The following GRK3 variants were observed in gnomAD, a reference collection of about 807,000 sequenced individuals.
The protein encoded by GRK3 is G protein-coupled receptor kinase 3, also known as adrenergic, beta, receptor kinase 2.
A neutral mutation model predicts 95.7 loss-of-function variants in GRK3; 54 were observed. That is an observed-to-expected ratio of 0.56 (90% CI 0.45 to 0.71). The LOEUF (loss-of-function observed/expected upper bound fraction) is 0.71, where lower values mean the gene tolerates loss of function less well. Ranked by LOEUF, GRK3 falls within the 30% of genes least tolerant of loss-of-function variation. The probability of loss-of-function intolerance (pLI) is 0.00; values close to 1 mark genes in which losing one functional copy is unlikely to be tolerated. For synonymous variants in GRK3, 281 were observed against 290.8 expected, an observed-to-expected ratio of 0.97 and a Z score of 0.34; for missense variants, 649 against 851.2, an observed-to-expected ratio of 0.76 and a Z score of 2.96.
At chr22:25,668,047 T>C (rs2146408476) in intron 6 of GRK3, among the ~76,000 whole-genome samples, 1 of 152,352 alleles carries the variant, frequency 6.6e-6, no homozygotes, top group East Asian at 1.9e-4. Flanking sequence ...AAATATACAC[T>C]GAGGAACCTC....
At chr22:25,609,673 C>T (rs1230978178) in intron 2 of GRK3, among the ~76,000 whole-genome samples, 1 of 151,966 alleles carries the variant, frequency 6.6e-6, no homozygotes, top group East Asian at 1.9e-4. Context: ...ATGTCATTCT[C>T]ATGTATAAAG....
intron 19 of GRK3, 123 bp downstream of exon 19, chr22:25,718,504 C>A (rs937954193): frequency 8.9e-7 from 1 of 1,125,510 alleles, no homozygotes; most frequent in Non-Finnish European, 1.3e-6. Flanking sequence ...TTTTACTGCT[C>A]TACATGAGAT....
Position 25,633,539 on chromosome 22 carries a change from C to T in GRK3, c.191-11053C>T, listed in dbSNP as rs111365896. On this transcript the variant is annotated intron_variant, in intron 2 of 20. Coordinates refer to ENST00000324198, the MANE Select transcript of GRK3 (RefSeq NM_005160.4). The stretch of plus-strand genomic sequence containing the variant: ...ATGCACATATCTGGTTAGATTTATT[C>T]GTAAGTGTTGGGTTTTTTTAATGTT... Among the ~76,000 whole-genome samples the T allele has an allele frequency of 1.9e-3, 282 of 151,706 alleles. 2 individuals carry two copies. Among genetic ancestry groups the T allele is most frequent in the African/African-American group, 6.4e-3 (263 of 41,374 alleles).
At chr22:25,640,283 C>G (rs1020306414) in intron 2 of GRK3, among the ~76,000 whole-genome samples, 1 of 152,206 alleles carries the variant, frequency 6.6e-6, no homozygotes, top group African/African-American at 2.4e-5. Flanking sequence ...ACTGACCATT[C>G]TGTCTGAAAT....
At chr22:25,608,837 CTG>C (rs2084473126) in intron 2 of GRK3, among the ~76,000 whole-genome samples, 1 of 152,206 alleles carries the variant, frequency 6.6e-6, no homozygotes, top group East Asian at 1.9e-4. Context: ...ACCTATAGAA[CTG>C]TGAGATGATA....
chr22:25,722,194 G>T, intron 20 of GRK3, 95 bp from the exon 21 acceptor site: 6 of 1,429,968 alleles, frequency 4.2e-6, no homozygotes, highest in East Asian at 2.3e-5. Flanking sequence ...CTTCCTTCAG[G>T]GGTTCCAGGG....
rs552719677 is a variant in GRK3 at position 25,725,326 on chromosome 22, C to T, written c.*2876C>T. ...AGGTTGATATTTTTACAAAATCATG[C>T]GGTAATAAGTCTTGATTTCATGATT... is the stretch of plus-strand genomic sequence containing the variant. On this transcript the variant is annotated 3_prime_UTR_variant, in exon 21 of 21. Coordinates refer to ENST00000324198, the MANE Select transcript of GRK3 (RefSeq NM_005160.4). 14 of 377,102 alleles carry T rather than the reference C, an allele frequency of 3.7e-5. No individual in the cohort carries two copies. Among genetic ancestry groups the T allele is most frequent in the African/African-American group, 1.7e-4 (8 of 48,142 alleles). The allele number at this position is 377,102 out of a possible 1,614,324, so 23.4% of individuals were successfully genotyped here.
chr22:25,568,704 G>A (rs1381023850), intron 1 of GRK3, among the ~76,000 whole-genome samples: 2 of 152,166 alleles, frequency 1.3e-5, no homozygotes, highest in Non-Finnish European at 2.9e-5. Flanking sequence ...AAAGATTTGA[G>A]CCAAGAAGGA....
Position 25,565,169 on chromosome 22 carries a change from G to A in GRK3, c.113+16G>A. 7.0e-7 allele frequency: 1 copy of A among 1,423,254 alleles called. No homozygotes were observed. Among genetic ancestry groups the A allele is most frequent in the Admixed American group, 2.5e-5 (1 of 40,386 alleles). 88.2% of individuals were successfully genotyped at this position (1,423,254 alleles called of 1,614,324 possible). A position where few individuals can be genotyped will look rare whatever the true frequency, so the allele number is the denominator to read the frequency against. On this transcript the variant is annotated intron_variant, in intron 1 of 20. Coordinates refer to ENST00000324198, the MANE Select transcript of GRK3 (RefSeq NM_005160.4). ...CGGAGCCCAGGTACCAGCTGCCCCGGCCGGCGCCGGCCCCAAGCCGCCGCC... is the reference window on the plus strand; with the variant it reads ...CGGAGCCCAGGTACCAGCTGCCCCGACCGGCGCCGGCCCCAAGCCGCCGCC...
chr22:25,647,632 A>G, intron 3 of GRK3: 1 of 1,470,550 alleles, frequency 6.8e-7, no homozygotes, highest in Non-Finnish European at 9.5e-7. Context: ...AATTAACAAT[A>G]CAGAAGGAGA....
chr22:25,638,832 C>T (rs1333052835), intron 2 of GRK3, among the ~76,000 whole-genome samples: 2 of 152,184 alleles, frequency 1.3e-5, no homozygotes, highest in African/African-American at 2.4e-5. Context: ...TTCTGGCTGC[C>T]TTGTATCCCT....
At chr22:25,646,101 A>G (rs1001600876) in intron 3 of GRK3, among the ~76,000 whole-genome samples, 2 of 152,106 alleles carry the variant, frequency 1.3e-5, no homozygotes, top group East Asian at 1.9e-4. Flanking sequence ...TAAGGACTCT[A>G]TAGTGTTTAG....
intron 12 of GRK3, among the ~76,000 whole-genome samples, chr22:25,691,079 G>A (rs981084129): frequency 1.3e-5 from 2 of 152,108 alleles, no homozygotes; most frequent in Non-Finnish European, 2.9e-5. Flanking sequence ...CAGTTCCCCC[G>A]GGGCTCTGCA....
intron 13 of GRK3, among the ~76,000 whole-genome samples, chr22:25,700,349 G>T (rs895174524): frequency 6.6e-6 from 1 of 152,210 alleles, no homozygotes; most frequent in Non-Finnish European, 1.5e-5. Context: ...TAAGATGTCT[G>T]TTAAGGAAAT....
At chr22:25,718,163 C>T (rs1187165024) in intron 18 of GRK3, 82 bp from the exon 19 acceptor site, 1 of 1,464,838 alleles carries the variant, frequency 6.8e-7, no homozygotes, top group African/African-American at 1.4e-5. Flanking sequence ...AAAAGCATGT[C>T]TGTTCTTTTT....
intron 19 of GRK3, among the ~76,000 whole-genome samples, chr22:25,720,927 A>T (rs934229392): frequency 6.6e-6 from 1 of 152,152 alleles, no homozygotes; most frequent in Non-Finnish European, 1.5e-5. Flanking sequence ...CACATAAATC[A>T]TATGTGGCTC....
intron 3 of GRK3, chr22:25,647,493 AT>A: frequency 7.1e-7 from 1 of 1,403,178 alleles, no homozygotes; most frequent in Admixed American, 1.7e-5. Context: ...CATCTTCCTC[AT>A]TCTCAGTGGT....
At chr22:25,664,821 C>T (rs1376619111) in intron 5 of GRK3, among the ~76,000 whole-genome samples, 2 of 152,080 alleles carry the variant, frequency 1.3e-5, no homozygotes, top group East Asian at 3.8e-4. Context: ...GCCCGGCCAA[C>T]TTTGGCATCT....
chr22:25,577,068 T>C (rs1173381459), intron 1 of GRK3, among the ~76,000 whole-genome samples: 1 of 152,214 alleles, frequency 6.6e-6, no homozygotes, highest in Non-Finnish European at 1.5e-5. Context: ...AAACATCTTT[T>C]TGTGATTTTA....
Sources: gnomAD v4.1 joint callset for allele counts (sites outside exome capture counted in the v4.1 genomes callset) on GRCh38, gnomAD v4.1.1 for gene constraint, MANE v1.5 for transcripts, NCBI Gene and HGNC (gene_info 2026-07-23, HGNC 2026-07-21) for gene names.